SMC1B: variants seen among roughly 807,000 people sequenced by gnomAD.
SMC1B encodes structural maintenance of chromosomes 1B, also known as structural maintenance of chromosomes protein 1B.
In SMC1B, 60 loss-of-function variants were observed where a neutral mutation model predicts 157.9. The ratio of observed to expected loss-of-function variants is 0.38; its 90% CI spans 0.31 to 0.47. The LOEUF (loss-of-function observed/expected upper bound fraction) is 0.47. Ranked by LOEUF, SMC1B falls within the 20% of genes least tolerant of loss-of-function variation. The probability of loss-of-function intolerance (pLI) is 0.99; values close to 1 mark genes in which losing one functional copy is unlikely to be tolerated. For synonymous variants in SMC1B, 445 were observed against 483.0 expected, an observed-to-expected ratio of 0.92 and a Z score of 1.03; for missense variants, 1,165 against 1,426.2, an observed-to-expected ratio of 0.82 and a Z score of 2.95.
intron 12 of SMC1B, among the ~76,000 whole-genome samples, chr22:45,380,117 G>A (rs534558244): frequency 9.9e-5 from 15 of 152,218 alleles, no homozygotes; most frequent in African/African-American, 2.2e-4. Flanking sequence ...GCAGATCCTC[G>A]AAAGGTAAAT....
chr22:45,379,497 A>G (rs2086914524), intron 12 of SMC1B, among the ~76,000 whole-genome samples: 1 of 152,044 alleles, frequency 6.6e-6, no homozygotes, highest in African/African-American at 2.4e-5. Flanking sequence ...AGCTTGGTAT[A>G]CTTTTTAACA....
chr22:45,364,824 C>CTTTTTTTT (rs202166311), intron 15 of SMC1B, among the ~76,000 whole-genome samples: 5 of 105,510 alleles, frequency 4.7e-5, no homozygotes, highest in East Asian at 2.6e-4. Flanking sequence ...ATCTCTTTTC[C>CTTTTTTTT]TTTTTTTTTT....
At chr22:45,388,798 A>C (rs1043171898) in intron 10 of SMC1B, among the ~76,000 whole-genome samples, 1 of 151,922 alleles carries the variant, frequency 6.6e-6, no homozygotes, top group Admixed American at 6.6e-5. Context: ...CAATGTGGAG[A>C]AACCCCGTCT....
At chr22:45,363,556 C>T (rs2086742137) in intron 15 of SMC1B, among the ~76,000 whole-genome samples, 1 of 151,922 alleles carries the variant, frequency 6.6e-6, no homozygotes, top group African/African-American at 2.4e-5. Flanking sequence ...TGGCGTGTAC[C>T]TACAGTCCCA....
Position 45,359,788 on chromosome 22 carries a change from G to A in SMC1B, c.2862+17C>T. 1.2e-6 allele frequency: 2 copies of A among 1,608,810 alleles called. No individual in the cohort carries two copies. The highest frequency in any genetic ancestry group is 2.2e-5 in the South Asian group (2 of 90,574). ...TCCACACAACGGCACATATTTTACA[G>A]TCATTTGCTAGAATACCTCCACTTC... is the stretch of plus-strand genomic sequence containing the variant. On this transcript the variant is annotated intron_variant, in intron 18 of 24. Transcript: ENST00000357450.
chr22:45,402,301 C>T (rs772989213), intron 5 of SMC1B, 32 bp downstream of exon 5: 25 of 1,441,610 alleles, frequency 1.7e-5, no homozygotes, highest in Admixed American at 1.8e-5. Context: ...TACATATAAC[C>T]CAACTGTTAA....
chr22:45,409,605 T>A (rs918088919), intron 1 of SMC1B, among the ~76,000 whole-genome samples: 72 of 126,066 alleles, frequency 5.7e-4, no homozygotes, highest in African/African-American at 1.9e-3. Flanking sequence ...AATAAATAAA[T>A]AAATAAAAAC....
Position 45,396,485 on chromosome 22 carries a change from A to G in SMC1B, c.1115T>C (p.Leu372Pro), listed in dbSNP as rs761972416. Residue 372 changes from leucine to proline, a missense_variant and splice_region_variant, in exon 7 of 25, where the codon CTG (leucine) becomes CCG (proline). Coordinates refer to ENST00000357450, the MANE Select transcript of SMC1B (RefSeq NM_148674.5). ...TTCCTTAAGTTCTTTATAACGATCC[A>G]GCTGCATAAACAGTATTGAAAAATT... ...KRDIELEASQ[L>P]DRYKELKEQV... The G allele has an allele frequency of 2.5e-6, 4 of 1,609,836 alleles. No individual in the cohort carries two copies. In the South Asian group the frequency reaches 4.4e-5, roughly 18 times the overall value.
At chr22:45,391,306 T>A (rs2146828443) in intron 9 of SMC1B, among the ~76,000 whole-genome samples, 1 of 152,342 alleles carries the variant, frequency 6.6e-6, no homozygotes, top group East Asian at 1.9e-4. Flanking sequence ...TATTCTTGAT[T>A]TGTTTTCACA....
chr22:45,353,911 AAAAAAAAAAC>A lies in SMC1B; in HGVS notation c.3273+57_3273+66del, dbSNP rs1442612782. ...TTCCCACCAAAAAAAAAAAAAAAAA[AAAAAAAAAAC>A]AACCACCACCGGTAACACAGAATTC... On this transcript the variant is annotated intron_variant, in intron 21 of 24. Transcript: ENST00000357450. 5.5e-4 allele frequency: 396 copies of A among 713,756 alleles called. 8 individuals are homozygous for A. Among genetic ancestry groups the A allele is most frequent in the South Asian group, 1.6e-3 (70 of 44,742 alleles). The allele number at this position is 713,756 out of a possible 1,614,324, so 44.2% of individuals were successfully genotyped here.
chr22:45,360,602 CAGA>C (rs910189631), intron 17 of SMC1B, among the ~76,000 whole-genome samples: 1 of 151,296 alleles, frequency 6.6e-6, no homozygotes, highest in African/African-American at 2.4e-5. Flanking sequence ...CATTTAAGCC[CAGA>C]AGTTTGAGAC....
Position 45,406,885 on chromosome 22 carries a change from C to G in SMC1B, c.299-20G>C. 4.0e-6 allele frequency: 6 copies of G among 1,508,658 alleles called. No homozygotes were observed. Among genetic ancestry groups the G allele is most frequent in the Non-Finnish European group, 5.3e-6 (6 of 1,127,204 alleles). 93.5% of individuals were successfully genotyped at this position (1,508,658 alleles called of 1,614,324 possible). A position where few individuals can be genotyped will look rare whatever the true frequency, so the allele number is the denominator to read the frequency against. On this transcript the variant is annotated intron_variant, in intron 2 of 24. Transcript: ENST00000357450. ...ATCCCCCTAAAATAAAAAAATAAAC[C>G]CTGTTAAAAAATATATAAATACCAG...
In SMC1B at chr22:45,359,880, CA is replaced by C; in HGVS notation, c.2786del (p.Leu929CysfsTer12). On this transcript the variant is annotated frameshift_variant, in exon 18 of 25. Transcript: ENST00000357450. LOFTEE classifies it high-confidence loss of function. Reference protein sequence around the residue: ...LEQKRLEKHNLLLDCKVQDIE... With the variant: ...LEQKRLEKHNXLLDCKVQDIE... ...TGTCTTGCACTTTGCAATCAAGCAG[CA>C]AGTTATGCTTCTCTAATCGTTTCTG... 6.2e-7 allele frequency: 1 copy of C among 1,614,102 alleles called. No homozygotes were observed. The highest frequency in any genetic ancestry group is 8.5e-7 in the Non-Finnish European group (1 of 1,179,960).
intron 19 of SMC1B, among the ~76,000 whole-genome samples, chr22:45,357,464 G>C (rs1238057736): frequency 6.6e-6 from 1 of 152,236 alleles, no homozygotes; most frequent in Non-Finnish European, 1.5e-5. Flanking sequence ...TCTACTAAGG[G>C]TACTGCAGTG....
chr22:45,389,478 G>A (rs1357821927), intron 10 of SMC1B, among the ~76,000 whole-genome samples: 1 of 152,168 alleles, frequency 6.6e-6, no homozygotes, highest in Non-Finnish European at 1.5e-5. Context: ...ATCAAAGGTA[G>A]AATTCTGTAA....
At chr22:45,405,486 A>G (rs1472420123) in intron 4 of SMC1B, among the ~76,000 whole-genome samples, 1 of 151,912 alleles carries the variant, frequency 6.6e-6, no homozygotes, top group Non-Finnish European at 1.5e-5. Context: ...CAGGAGGCGG[A>G]GCTTGCAGTG....
chr22:45,358,597 A>T lies in SMC1B; in HGVS notation c.2961+100T>A, dbSNP rs182106471. 4.5e-4 allele frequency: 317 copies of T among 709,468 alleles called. 2 individuals carry two copies. The East Asian group carries it at 6.4e-3, about 14-fold the overall frequency. The allele number at this position is 709,468 out of a possible 1,614,324, so 43.9% of individuals were successfully genotyped here. On this transcript the variant is annotated intron_variant, in intron 19 of 24. Coordinates refer to ENST00000357450, the MANE Select transcript of SMC1B (RefSeq NM_148674.5). ...TTCCAAAACCATTAGGAAATCTTTT[A>T]AAAAAAAACAAACTTAATTCTATCA...
intron 11 of SMC1B, among the ~76,000 whole-genome samples, 185 bp from the exon 12 acceptor site, chr22:45,383,798 A>AT (rs1160756376): frequency 4.6e-5 from 7 of 152,168 alleles, no homozygotes; most frequent in Admixed American, 4.6e-4. Flanking sequence ...TATAAAACCC[A>AT]TTTTACTAAG....
At chr22:45,358,673 AAAC>A (rs767598280) in intron 19 of SMC1B, 21 bp downstream of exon 19, 3 of 1,383,302 alleles carry the variant, frequency 2.2e-6, no homozygotes, top group Admixed American at 3.6e-5. Context: ...TGTGAGTGAT[AAAC>A]AACAGAAAGC....
Sources: gnomAD v4.1 joint callset for allele counts (sites outside exome capture counted in the v4.1 genomes callset) on GRCh38, gnomAD v4.1.1 for gene constraint, MANE v1.5 for transcripts, NCBI Gene and HGNC (gene_info 2026-07-23, HGNC 2026-07-21) for gene names.